Variants in BANK1 observed in about 807,000 individuals in gnomAD.
BANK1 encodes the protein B-cell scaffold protein with ankyrin repeats.
Under a neutral mutation model 94.5 loss-of-function variants are expected in BANK1, and 95 were observed. The ratio of observed to expected loss-of-function variants is 1.00; its 90% CI spans 0.85 to 1.19. The LOEUF is 1.19. Among genes scored for constraint, BANK1 ranks in the 50% most tolerant of loss-of-function variants. BANK1 has a pLI of 0.00. For missense variants in BANK1, 987 were observed against 932.2 expected (o/e 1.06, Z -0.77); for synonymous variants, 334 against 308.4 (o/e 1.08, Z -0.87).
At chr4:101,834,966 G>C (rs1317084372) in intron 2 of BANK1, among the ~76,000 whole-genome samples, 1 of 151,992 alleles carries the variant, frequency 6.6e-6, no homozygotes, top group Non-Finnish European at 1.5e-5. Context: ...TTTTCTCCTA[G>C]TATTTTATTT....
At chr4:101,997,931 A>T (rs1392965214) in intron 7 of BANK1, among the ~76,000 whole-genome samples, 1 of 151,636 alleles carries the variant, frequency 6.6e-6, no homozygotes, top group Non-Finnish European at 1.5e-5. Context: ...TTCTGCTCTG[A>T]TCTTAGTTAT....
At chr4:101,976,151 T>G (rs1160913591) in intron 7 of BANK1, among the ~76,000 whole-genome samples, 1 of 152,144 alleles carries the variant, frequency 6.6e-6, no homozygotes, top group Admixed American at 6.6e-5. Flanking sequence ...GTTCCTGTGG[T>G]CATAAGCAGT....
chr4:101,874,069 G>T (rs1161327671), intron 5 of BANK1, among the ~76,000 whole-genome samples: 1 of 152,132 alleles, frequency 6.6e-6, no homozygotes, highest in South Asian at 2.1e-4. Context: ...TTGCTTATTA[G>T]TAAAAAGGTA....
At chr4:101,844,730 G>A (rs1429393991) in intron 2 of BANK1, among the ~76,000 whole-genome samples, 1 of 152,186 alleles carries the variant, frequency 6.6e-6, no homozygotes, top group Non-Finnish European at 1.5e-5. Context: ...GGATGAGTGT[G>A]AGGATTAAAT....
At chr4:101,891,155 G>A (rs1721854883) in intron 5 of BANK1, among the ~76,000 whole-genome samples, 1 of 152,010 alleles carries the variant, frequency 6.6e-6, no homozygotes, top group Non-Finnish European at 1.5e-5. Context: ...ATACTTTAGA[G>A]AACTTTTCTT....
chr4:101,989,260 T>C (rs982041201), intron 7 of BANK1, among the ~76,000 whole-genome samples: 6 of 151,886 alleles, frequency 4.0e-5, no homozygotes, highest in South Asian at 2.1e-4. Flanking sequence ...CTGGTCAACA[T>C]GGCAATACCC....
At chr4:101,917,445 G>A (rs952248614) in intron 6 of BANK1, among the ~76,000 whole-genome samples, 2 of 151,768 alleles carry the variant, frequency 1.3e-5, no homozygotes, top group Non-Finnish European at 2.9e-5. Flanking sequence ...AAATCCAGAT[G>A]GAAATTTCCA....
chr4:101,961,872 T>A (rs964193723), intron 7 of BANK1, among the ~76,000 whole-genome samples: 3 of 152,114 alleles, frequency 2.0e-5, no homozygotes, highest in Non-Finnish European at 4.4e-5. Context: ...CCCTGCTAAG[T>A]GTTATATTGA....
chr4:102,073,615 T>C lies in BANK1; in HGVS notation c.2299-69T>C. 7 of 1,427,756 alleles carry C rather than the reference T, an allele frequency of 4.9e-6. No individual in the cohort carries two copies. In the South Asian group the frequency reaches 7.4e-5, roughly 15 times the overall value. 88.4% of individuals were successfully genotyped at this position (1,427,756 alleles called of 1,614,324 possible). A position where few individuals can be genotyped will look rare whatever the true frequency, so the allele number is the denominator to read the frequency against. ...GAAAGGCAACTATAACTTTGTCATA[T>C]TTCTTTGTTCAACCTTAAAATAGGG... On this transcript the variant is annotated intron_variant, in intron 15 of 16. Transcript: ENST00000322953.
chr4:102,004,426 C>T (rs1023141746), intron 7 of BANK1, among the ~76,000 whole-genome samples: 1 of 152,196 alleles, frequency 6.6e-6, no homozygotes, highest in African/African-American at 2.4e-5. Context: ...CTGACATCTG[C>T]ATTTCCAATC....
intron 11 of BANK1, among the ~76,000 whole-genome samples, chr4:102,048,516 T>G (rs1727952430): frequency 6.6e-6 from 1 of 152,196 alleles, no homozygotes; most frequent in South Asian, 2.1e-4. Context: ...TGGGATTTCA[T>G]GGTGTACTAG....
chr4:101,863,567 G>C (rs2148878039), intron 4 of BANK1, among the ~76,000 whole-genome samples: 1 of 152,158 alleles, frequency 6.6e-6, no homozygotes, highest in South Asian at 2.1e-4. Context: ...AGCATTTACA[G>C]ACTTCTGTTT....
intron 7 of BANK1, among the ~76,000 whole-genome samples, chr4:101,944,245 AACTC>A (rs1431762787): frequency 6.6e-6 from 1 of 151,882 alleles, no homozygotes; most frequent in African/African-American, 2.4e-5. Context: ...GTAACCAGGA[AACTC>A]ACCATTTACA....
At chr4:102,053,464 A>G (rs889453923) in intron 11 of BANK1, among the ~76,000 whole-genome samples, 28 of 152,146 alleles carry the variant, frequency 1.8e-4, no homozygotes, top group African/African-American at 6.3e-4. Flanking sequence ...AACTTGAGAT[A>G]ATGGACTACC....
rs1238822964 is a variant in BANK1 at position 102,033,391 on chromosome 4, C to T, written c.1900+3126C>T. Among the ~76,000 whole-genome samples the T allele has an allele frequency of 2.6e-5, 4 of 152,236 alleles. No homozygotes were observed. In the East Asian group the frequency reaches 7.7e-4, roughly 29 times the overall value. On this transcript the variant is annotated intron_variant, in intron 10 of 16. Coordinates refer to ENST00000322953, the MANE Select transcript of BANK1 (RefSeq NM_017935.5). ...AAAATAAGTACATTTGGATGGTTTTCCTTTCATTGATTTATTTATTAGTTA... is the reference window on the plus strand; with the variant it reads ...AAAATAAGTACATTTGGATGGTTTTTCTTTCATTGATTTATTTATTAGTTA...
chr4:101,943,554 TG>T (rs1295711351), intron 7 of BANK1, among the ~76,000 whole-genome samples: 2 of 151,654 alleles, frequency 1.3e-5, no homozygotes, highest in Non-Finnish European at 2.9e-5. Flanking sequence ...GGCTCCTAAC[TG>T]GTACAGTGAA....
At chr4:101,960,133 C>G (rs1295738561) in intron 7 of BANK1, among the ~76,000 whole-genome samples, 2 of 151,984 alleles carry the variant, frequency 1.3e-5, no homozygotes, top group Non-Finnish European at 2.9e-5. Context: ...ATTTAAAAAA[C>G]TAGGAGGGCA....
At chr4:101,865,257 C>A (rs961835659) in intron 4 of BANK1, among the ~76,000 whole-genome samples, 3 of 152,092 alleles carry the variant, frequency 2.0e-5, no homozygotes, top group Non-Finnish European at 4.4e-5. Flanking sequence ...TTACCTAGAG[C>A]AGAAGCCACT....
chr4:101,822,368 GA>G (rs200333516), intron 1 of BANK1, among the ~76,000 whole-genome samples: 351 of 142,370 alleles, frequency 2.5e-3, no homozygotes, highest in Admixed American at 8.1e-3. Context: ...CAGAAAAAAA[GA>G]AAAAAAAAAG....
Sources: allele counts gnomAD v4.1 joint callset (sites outside exome capture counted in the v4.1 genomes callset), GRCh38; gene constraint gnomAD v4.1.1; transcripts MANE v1.5; gene names NCBI Gene and HGNC (gene_info 2026-07-23, HGNC 2026-07-21).